Variants in BSDC1 observed in about 807,000 individuals in gnomAD.
BSDC1 encodes BSD domain-containing protein 1.
In BSDC1, 29 loss-of-function variants were observed where a neutral mutation model predicts 56.0. The ratio of observed to expected loss-of-function variants is 0.52; its 90% CI spans 0.39 to 0.71. The LOEUF (loss-of-function observed/expected upper bound fraction) is 0.71. Among genes scored for constraint, BSDC1 ranks in the 30% least tolerant of loss-of-function variants. BSDC1 has a pLI of 0.00. For missense variants in BSDC1, 477 were observed against 548.5 expected (o/e 0.87, Z 1.30); for synonymous variants, 210 against 215.3 (o/e 0.98, Z 0.21).
At chr1:32,374,700 C>T (rs1418384813) in intron 9 of BSDC1, 3 of 152,388 alleles carry the variant, frequency 2.0e-5, no homozygotes, top group African/African-American at 7.2e-5. Context: ...CACCAACTCT[C>T]CTATACGAGG....
In BSDC1 at chr1:32,386,722, C is replaced by T; in HGVS notation, c.189+57G>A. 4 of 1,330,684 alleles carry T rather than the reference C, an allele frequency of 3.0e-6. No homozygotes were observed. The South Asian group carries it at 4.9e-5, about 16-fold the overall frequency. The allele number at this position is 1,330,684 out of a possible 1,614,324, so 82.4% of individuals were successfully genotyped here. A position where few individuals can be genotyped will look rare whatever the true frequency, so the allele number is the denominator to read the frequency against. ...ACTTAATGGTAGAAAGGTTGGGAGCCCAGGACAGGACAGGTTGCGAGGGGC... is the reference window on the plus strand; with the variant it reads ...ACTTAATGGTAGAAAGGTTGGGAGCTCAGGACAGGACAGGTTGCGAGGGGC... On this transcript the variant is annotated intron_variant, in intron 3 of 10. Transcript: ENST00000455895.
chr1:32,375,306 A>G (rs1490088397), intron 9 of BSDC1, among the ~76,000 whole-genome samples: 1 of 151,924 alleles, frequency 6.6e-6, no homozygotes. Context: ...CACTGTGGCA[A>G]ACCAGTCCCT....
chr1:32,367,564 G>A (rs1641897826), intron 10 of BSDC1: 2 of 985,286 alleles, frequency 2.0e-6, no homozygotes, highest in South Asian at 9.4e-5. Flanking sequence ...TGGTTCTTAT[G>A]TGACAGTGGA....
chr1:32,384,533 C>T (rs939786191), intron 3 of BSDC1, among the ~76,000 whole-genome samples: 3 of 152,010 alleles, frequency 2.0e-5, no homozygotes, highest in East Asian at 3.9e-4. Context: ...ACACAGCATA[C>T]GCTTAATAAA....
rs1226277567 is a variant in BSDC1, at chr1:32,376,430, G to A, written c.988C>T (p.Pro330Ser). The change falls in exon 9 of 11, where the codon CCC (proline) becomes TCC (serine). Residue 330 changes from proline (P) to serine (S), a missense_variant. Physicochemically the swap from Pro to Ser is moderately conservative, Grantham distance 74. Coordinates refer to ENST00000455895, the MANE Select transcript of BSDC1 (RefSeq NM_018045.8). ...AVDVGETGPS[P>S]PIHSKPLTPA... The stretch of plus-strand genomic sequence containing the variant: ...GTTAGGGGCTTGGAGTGAATAGGGG[G>A]TGAGGGTCCAGTCTCACCCACATCC... 1.9e-6 allele frequency: 3 copies of A among 1,613,652 alleles called. No homozygotes were observed. Among genetic ancestry groups the A allele is most frequent in the East Asian group, 4.5e-5 (2 of 44,880 alleles).
intron 9 of BSDC1, among the ~76,000 whole-genome samples, chr1:32,369,915 C>G (rs1380797010): frequency 6.6e-6 from 1 of 152,226 alleles, no homozygotes; most frequent in East Asian, 1.9e-4. Context: ...GCCTCAGCCT[C>G]CTGAGTAGCT....
At chr1:32,388,338 G>A (rs1362380789) in intron 2 of BSDC1, among the ~76,000 whole-genome samples, 1 of 152,102 alleles carries the variant, frequency 6.6e-6, no homozygotes, top group African/African-American at 2.4e-5. Flanking sequence ...ATTGGGGGTG[G>A]AGGAGGTCAT....
At position 32,389,145 on chromosome 1, in the gene BSDC1, G is replaced by A. The variant is rs189899042; in HGVS notation, c.73-2250C>T. 3.3e-3 allele frequency among the ~76,000 whole-genome samples: 495 copies of A among 151,954 alleles called. 2 individuals are homozygous for A. The highest frequency in any genetic ancestry group is 5.4e-3 in the Non-Finnish European group (370 of 67,962). On this transcript the variant is annotated intron_variant, in intron 2 of 10. Coordinates refer to ENST00000455895, the MANE Select transcript of BSDC1 (RefSeq NM_018045.8). ...AATTTTTTGTATTTTTAGTAGAGAC[G>A]GGATTTCACTGTGTTAGCCAGGATG...
chr1:32,381,111 A>AG, intron 5 of BSDC1, 103 bp downstream of exon 5: 1 of 1,093,706 alleles, frequency 9.1e-7, no homozygotes. Context: ...CTCCCTACAT[A>AG]GGGGGTGCCC....
chr1:32,388,270 A>C (rs973023255), intron 2 of BSDC1, among the ~76,000 whole-genome samples: 5 of 152,200 alleles, frequency 3.3e-5, no homozygotes, highest in Admixed American at 6.5e-5. Context: ...ACAGTCTATC[A>C]GCTACAGGCT....
intron 9 of BSDC1, among the ~76,000 whole-genome samples, chr1:32,372,756 G>A (rs1251813319): frequency 6.6e-6 from 1 of 152,202 alleles, no homozygotes; most frequent in African/African-American, 2.4e-5. Context: ...TCGGGTGATT[G>A]CTAACTTTGT....
intron 9 of BSDC1, among the ~76,000 whole-genome samples, chr1:32,375,113 C>T (rs1642230900): frequency 6.6e-6 from 1 of 151,984 alleles, no homozygotes; most frequent in Admixed American, 6.6e-5. Context: ...GATCGCGCCA[C>T]TGCACTCCAG....
Position 32,378,229 on chromosome 1 carries a change from G to A in BSDC1, c.583C>T (p.His195Tyr). Reference sequence around the variant, plus strand: ...GACCAGCATACCTGCTCTAACTGATGGACTTTATAGAAATACCGATGCCAG... The same window carrying A: ...GACCAGCATACCTGCTCTAACTGATAGACTTTATAGAAATACCGATGCCAG... ...EFWHRYFYKV[H>Y]QLEQEQARRD... Residue 195 changes from histidine (H) to tyrosine (Y), a missense_variant, in exon 7 of 11, where the codon CAT (histidine) becomes TAT (tyrosine). By Grantham distance (83) the His-to-Tyr change is moderately conservative. Coordinates refer to ENST00000455895, the MANE Select transcript of BSDC1 (RefSeq NM_018045.8). The surrounding 1 kb of genome is among the most constrained non-coding windows in gnomAD (Gnocchi z 5.2). The A allele has an allele frequency of 1.2e-6, 2 of 1,614,184 alleles. No individual in the cohort carries two copies. Among genetic ancestry groups the A allele is most frequent in the Non-Finnish European group, 1.7e-6 (2 of 1,180,018 alleles).
At chr1:32,384,388 T>C (rs1256871549) in intron 3 of BSDC1, among the ~76,000 whole-genome samples, 4 of 152,210 alleles carry the variant, frequency 2.6e-5, no homozygotes, top group Non-Finnish European at 4.4e-5. Flanking sequence ...TTTGAATCCT[T>C]GCTCTACCAC....
intron 5 of BSDC1, among the ~76,000 whole-genome samples, chr1:32,379,172 TGTGACCATCTCTGACTCTG>T (rs1642402188): frequency 1.3e-5 from 2 of 152,182 alleles, no homozygotes; most frequent in East Asian, 1.9e-4. Context: ...TCTTCCCTCG[TGTGACCATCTCTGACTCTG>T]GGGGCCATTG....
chr1:32,366,728 C>A, intron 10 of BSDC1, 74 bp from the exon 11 acceptor site: 1 of 1,444,046 alleles, frequency 6.9e-7, no homozygotes, highest in Non-Finnish European at 9.1e-7. Flanking sequence ...CTAACCTCCA[C>A]TTGCTGAGCA....
At chr1:32,367,711 G>A (rs1231640011) in intron 10 of BSDC1, 2 of 978,516 alleles carry the variant, frequency 2.0e-6, no homozygotes. Flanking sequence ...AAGAATAACA[G>A]TACTAAGGCC....
At chr1:32,367,149 C>T (rs1641883356) in intron 10 of BSDC1, 3 of 985,794 alleles carry the variant, frequency 3.0e-6, no homozygotes, top group South Asian at 4.7e-5. Context: ...GTGGCAGTGG[C>T]CTACAGATGC....
intron 5 of BSDC1, among the ~76,000 whole-genome samples, chr1:32,380,629 G>A (rs1642449940): frequency 6.6e-6 from 1 of 152,166 alleles, no homozygotes; most frequent in Non-Finnish European, 1.5e-5. Context: ...CTGGGAGACA[G>A]GGTGAGACTC....
Sources: allele counts gnomAD v4.1 joint callset (sites outside exome capture counted in the v4.1 genomes callset), GRCh38; gene constraint gnomAD v4.1.1; non-coding constraint Gnocchi (gnomAD v3.1); transcripts MANE v1.5; gene names NCBI Gene and HGNC (gene_info 2026-07-23, HGNC 2026-07-21).